Variants in LYPD6 observed in about 807,000 individuals in gnomAD.
LYPD6 encodes the protein LY6/PLAUR domain containing 6, also known as ly6/PLAUR domain-containing protein 6.
LYPD6 carries 15 observed loss-of-function variants against 22.7 expected under a neutral mutation model. The observed-to-expected ratio is 0.66, with a 90% CI of 0.44 to 1.02. The LOEUF (loss-of-function observed/expected upper bound fraction) is 1.02, where lower values mean the gene tolerates loss of function less well. Ranked by LOEUF, LYPD6 falls within the 50% of genes least tolerant of loss-of-function variation. The pLI, the probability that LYPD6 is intolerant of heterozygous loss-of-function variation, is 0.00. For synonymous variants in LYPD6, 72 were observed against 77.5 expected, an observed-to-expected ratio of 0.93 and a Z score of 0.37; for missense variants, 189 against 208.4, an observed-to-expected ratio of 0.91 and a Z score of 0.57.
At chr2:149,335,116 C>T (rs978042657) in intron 1 of LYPD6, among the ~76,000 whole-genome samples, 2 of 151,890 alleles carry the variant, frequency 1.3e-5, no homozygotes, top group Admixed American at 6.5e-5. Flanking sequence ...TTATCATTAT[C>T]TTAGAGAGAA....
chr2:149,400,895 G>A (rs569069539), intron 1 of LYPD6, among the ~76,000 whole-genome samples: 97 of 152,310 alleles, frequency 6.4e-4, no homozygotes, highest in African/African-American at 2.2e-3. Context: ...TCGGTAATAT[G>A]AAGACTGGTA....
chr2:149,483,269 T>A, the LYPD6 span, among the ~76,000 whole-genome samples: 64 of 152,318 alleles, frequency 4.2e-4, no homozygotes, highest in African/African-American at 1.4e-3. Flanking sequence ...TCTGGGCAAG[T>A]CTGCTCAACT....
rs144948406 is a variant in LYPD6, at chr2:149,472,745, T to A, written c.*1895T>A. 2.0e-5 allele frequency: 3 copies of A among 152,764 alleles called. No homozygotes were observed. Among genetic ancestry groups the A allele is most frequent in the Admixed American group, 6.5e-5 (1 of 15,290 alleles). The allele number at this position is 152,764 out of a possible 1,614,324, so 9.5% of individuals were successfully genotyped here. A position where few individuals can be genotyped will look rare whatever the true frequency, so the allele number is the denominator to read the frequency against. On this transcript the variant is annotated 3_prime_UTR_variant, in exon 5 of 5. Transcript: ENST00000334166. ...GCAAGAATCCTATAAAGAATGTTAC[T>A]AGCATTTACACTTCCCAAATGAAGG...
In LYPD6 at chr2:149,471,492, G is replaced by T. The variant is rs1573836418; in HGVS notation, c.*642G>T. ...GCAATCATAAAAGTTTGTTATATTT[G>T]TGGGGGTGCCTGGAGGAGGATTTTC... On this transcript the variant is annotated 3_prime_UTR_variant, in exon 5 of 5. Transcript: ENST00000334166. The T allele has an allele frequency of 6.6e-6, 1 of 152,210 alleles. No homozygotes were observed. 9.4% of individuals were successfully genotyped at this position (152,210 alleles called of 1,614,324 possible).
intron 1 of LYPD6, among the ~76,000 whole-genome samples, chr2:149,419,619 A>G (rs750047885): frequency 5.3e-5 from 8 of 152,078 alleles, no homozygotes; most frequent in Non-Finnish European, 7.4e-5. Context: ...TCCTTTTGCT[A>G]CCCTTGTTAT....
Position 149,386,180 on chromosome 2 carries a change from A to G in LYPD6, c.-71-51458A>G, listed in dbSNP as rs570371782. On this transcript the variant is annotated intron_variant, in intron 1 of 4. Coordinates refer to ENST00000334166, the MANE Select transcript of LYPD6 (RefSeq NM_194317.5). ...GATTAACCTGAACTCAGCTATAATT[A>G]TAAGGAAAGGAGAATCTTTAGAAAA... 1.3e-4 allele frequency among the ~76,000 whole-genome samples: 20 copies of G among 152,336 alleles called. No homozygotes were observed. In the South Asian group the frequency reaches 2.7e-3, roughly 21 times the overall value.
chr2:149,364,246 A>G (rs1681620578), intron 1 of LYPD6, among the ~76,000 whole-genome samples: 1 of 152,158 alleles, frequency 6.6e-6, no homozygotes, highest in African/African-American at 2.4e-5. Flanking sequence ...AGCCAGTGAA[A>G]TACATTTGAT....
chr2:149,357,303 G>A (rs1451057205), intron 1 of LYPD6, among the ~76,000 whole-genome samples: 3 of 152,154 alleles, frequency 2.0e-5, no homozygotes, highest in African/African-American at 7.2e-5. Context: ...AGCACTTTTT[G>A]CAGGAAAAGG....
At chr2:149,439,853 T>A (rs1218610488) in intron 2 of LYPD6, 1 of 152,248 alleles carries the variant, frequency 6.6e-6, no homozygotes, top group Non-Finnish European at 1.5e-5. Context: ...AAAGAATTAG[T>A]AGGGCTTCCT....
At chr2:149,337,174 T>C (rs552015692) in intron 1 of LYPD6, among the ~76,000 whole-genome samples, 6 of 152,282 alleles carry the variant, frequency 3.9e-5, no homozygotes, top group Non-Finnish European at 8.8e-5. Flanking sequence ...GACTGTGTAG[T>C]GCTTGCCTTG....
At chr2:149,475,577 A>G (rs1006691290), downstream of LYPD6, among the ~76,000 whole-genome samples, 3 of 152,154 alleles carry the variant, frequency 2.0e-5, no homozygotes, top group African/African-American at 7.2e-5. Context: ...TCTCATTAGC[A>G]ATTACTATTG....
chr2:149,374,369 C>G (rs114516108), intron 1 of LYPD6, among the ~76,000 whole-genome samples: 1 of 152,104 alleles, frequency 6.6e-6, no homozygotes, highest in East Asian at 1.9e-4. Context: ...AATGTTTAGT[C>G]GAGGTTGAAA....
intron 1 of LYPD6, among the ~76,000 whole-genome samples, chr2:149,428,887 A>G (rs1451285211): frequency 5.3e-5 from 8 of 152,222 alleles, no homozygotes; most frequent in Non-Finnish European, 8.8e-5. Context: ...AATAGGTAAC[A>G]TGTCAGTGAG....
chr2:149,409,451 C>T lies in LYPD6; in HGVS notation c.-71-28187C>T, dbSNP rs540899775. ...CCTATAGGGAGGATGCACACTTGCC[C>T]TAGGGACACCTGGTTAAGCATTCAG... On this transcript the variant is annotated intron_variant, in intron 1 of 4. Coordinates refer to ENST00000334166, the MANE Select transcript of LYPD6 (RefSeq NM_194317.5). 2.0e-5 allele frequency among the ~76,000 whole-genome samples: 3 copies of T among 152,232 alleles called. No individual in the cohort carries two copies. In the East Asian group the frequency reaches 5.8e-4, roughly 29 times the overall value.
chr2:149,448,309 A>G (rs1055086222), intron 2 of LYPD6, among the ~76,000 whole-genome samples: 4 of 152,220 alleles, frequency 2.6e-5, no homozygotes, highest in Non-Finnish European at 5.9e-5. Flanking sequence ...AAAGAAAGAA[A>G]GAAAAGAAAA....
At chr2:149,430,382 G>C (rs1292982703) in intron 1 of LYPD6, among the ~76,000 whole-genome samples, 2 of 152,180 alleles carry the variant, frequency 1.3e-5, no homozygotes, top group Admixed American at 1.3e-4. Context: ...TTACAGGCGT[G>C]AGCTGCTGCA....
At chr2:149,477,650 AAAC>A (rs1216921788), downstream of LYPD6, among the ~76,000 whole-genome samples, 4 of 132,160 alleles carry the variant, frequency 3.0e-5, no homozygotes, top group African/African-American at 1.1e-4. Flanking sequence ...AAAAAAAAAG[AAAC>A]AACAACCCTG....
chr2:149,386,742 G>A (rs1174081520), intron 1 of LYPD6, among the ~76,000 whole-genome samples: 2 of 152,168 alleles, frequency 1.3e-5, no homozygotes, highest in African/African-American at 4.8e-5. Context: ...ATCAACACTG[G>A]GAAGTTCTGG....
intron 1 of LYPD6, among the ~76,000 whole-genome samples, chr2:149,398,234 C>T (rs1312952104): frequency 6.6e-6 from 1 of 152,040 alleles, no homozygotes; most frequent in Non-Finnish European, 1.5e-5. Context: ...GGATTTTTTT[C>T]TCTTTTATTT....
Sources: allele counts gnomAD v4.1 joint callset (sites outside exome capture counted in the v4.1 genomes callset), GRCh38; gene constraint gnomAD v4.1.1; transcripts MANE v1.5; gene names NCBI Gene and HGNC (gene_info 2026-07-23, HGNC 2026-07-21).